Variants in COL26A1 observed in about 807,000 individuals in gnomAD.
COL26A1 encodes the protein collagen alpha-1(XXVI) chain.
Under a neutral mutation model 59.3 loss-of-function variants are expected in COL26A1, and 41 were observed. The ratio of observed to expected loss-of-function variants is 0.69; its 90% CI spans 0.54 to 0.90. COL26A1 has a LOEUF of 0.90. Among genes scored for constraint, COL26A1 ranks in the 40% least tolerant of loss-of-function variants. The probability of loss-of-function intolerance (pLI) is 0.00; values close to 1 mark genes in which losing one functional copy is unlikely to be tolerated. For synonymous variants in COL26A1, 266 were observed against 256.0 expected, an observed-to-expected ratio of 1.04 and a Z score of -0.37; for missense variants, 612 against 602.3, an observed-to-expected ratio of 1.02 and a Z score of -0.17.
At chr7:101,377,575 C>T (rs952455035) in intron 1 of COL26A1, among the ~76,000 whole-genome samples, 1 of 152,106 alleles carries the variant, frequency 6.6e-6, no homozygotes, top group Non-Finnish European at 1.5e-5. Context: ...TATAGGCATG[C>T]ACTACCATGC....
intron 1 of COL26A1, among the ~76,000 whole-genome samples, chr7:101,406,996 C>T (rs1384211758): frequency 2.0e-5 from 3 of 152,152 alleles, no homozygotes; most frequent in Non-Finnish European, 2.9e-5. Flanking sequence ...CACGTTTTCA[C>T]CTCCTCTTTT....
At chr7:101,520,663 C>CACACACACACACACACACA (rs57784373) in intron 3 of COL26A1, among the ~76,000 whole-genome samples, 13 of 139,114 alleles carry the variant, frequency 9.3e-5, no homozygotes, top group Admixed American at 1.4e-4. Flanking sequence ...CACACACACA[C>CACACACACACACACACACA]CCCCGTGTTC....
At chr7:101,464,320 G>T (rs370079101) in intron 3 of COL26A1, among the ~76,000 whole-genome samples, 1 of 151,876 alleles carries the variant, frequency 6.6e-6, no homozygotes, top group Admixed American at 6.6e-5. Context: ...GGCTGGTCTC[G>T]AACTCCTGAC....
At chr7:101,456,813 G>A (rs1793484601) in intron 3 of COL26A1, among the ~76,000 whole-genome samples, 1 of 152,106 alleles carries the variant, frequency 6.6e-6, no homozygotes, top group Non-Finnish European at 1.5e-5. Flanking sequence ...ACTGTGCCAG[G>A]CCCACAGATG....
chr7:101,450,973 CAAAT>C (rs1307381195), intron 3 of COL26A1, among the ~76,000 whole-genome samples: 1 of 142,306 alleles, frequency 7.0e-6, no homozygotes, highest in African/African-American at 2.6e-5. Flanking sequence ...TAAATATTAT[CAAAT>C]AAATATTCAT....
At chr7:101,376,110 T>C (rs1791311412) in intron 1 of COL26A1, among the ~76,000 whole-genome samples, 1 of 147,274 alleles carries the variant, frequency 6.8e-6, no homozygotes, top group African/African-American at 2.5e-5. Flanking sequence ...AGCCCAGCCT[T>C]GGCAATATAG....
At chr7:101,403,508 G>A (rs1471607584) in intron 1 of COL26A1, among the ~76,000 whole-genome samples, 2 of 151,464 alleles carry the variant, frequency 1.3e-5, no homozygotes, top group African/African-American at 4.8e-5. Context: ...GACAGAGTGA[G>A]ACTCTGCTTC....
intron 3 of COL26A1, among the ~76,000 whole-genome samples, chr7:101,508,285 G>A (rs1026535416): frequency 1.3e-5 from 2 of 152,178 alleles, no homozygotes; most frequent in Non-Finnish European, 2.9e-5. Flanking sequence ...AGTTTTGGAA[G>A]CCTAGGAGGG....
At position 101,551,140 on chromosome 7, in the gene COL26A1, G is replaced by A. The variant is rs773152560; in HGVS notation, c.1026G>A (p.Pro342=). ...GLAGERGTVG[P]SGEPGVKGEE... is the part of the protein sequence containing the mutation. ...CTGGAGAGCGAGGCACAGTGGGGCC[G>A]TCCGTAAGTGTGGGCTGTGCAGATG... The change falls in exon 10 of 13, where the codon CCG becomes CCA. Residue 342 remains proline, a synonymous_variant. Coordinates refer to ENST00000313669, the MANE Select transcript of COL26A1 (RefSeq NM_001278563.3). 3.4e-5 allele frequency: 52 copies of A among 1,550,892 alleles called. No individual in the cohort carries two copies. Among genetic ancestry groups the A allele is most frequent in the Non-Finnish European group, 4.2e-5 (48 of 1,146,320 alleles).
chr7:101,363,138 G>C lies in COL26A1; in HGVS notation c.106G>C (p.Gly36Arg), dbSNP rs749947111. 2.3e-5 allele frequency: 35 copies of C among 1,520,956 alleles called. No individual in the cohort carries two copies. The highest frequency in any genetic ancestry group is 2.0e-5 in the Admixed American group (1 of 50,468). 94.2% of individuals were successfully genotyped at this position (1,520,956 alleles called of 1,614,324 possible). A position where few individuals can be genotyped will look rare whatever the true frequency, so the allele number is the denominator to read the frequency against. Residue 36 changes from glycine (G) to arginine (R), a missense_variant, in exon 1 of 13, where the codon GGC becomes CGC. Gly to Arg is a moderately radical substitution (Grantham distance 125). Coordinates refer to ENST00000313669, the MANE Select transcript of COL26A1 (RefSeq NM_001278563.3). ...CTCGGCCGCAGCTCTGCAGCAGCAC[G>C]GCTACCCCGAGCCCGGCGCCGGCTC... ...PFSAAALQQHGYPEPGAGSPG... is the reference protein window; with the variant it reads ...PFSAAALQQHRYPEPGAGSPG...
chr7:101,372,365 C>T (rs992613105), intron 1 of COL26A1, among the ~76,000 whole-genome samples: 1 of 152,046 alleles, frequency 6.6e-6, no homozygotes, highest in Non-Finnish European at 1.5e-5. Flanking sequence ...GGGGTTTCTC[C>T]ACGTTGGCCA....
intron 5 of COL26A1, among the ~76,000 whole-genome samples, chr7:101,540,627 T>G (rs1253366321): frequency 6.7e-6 from 1 of 150,304 alleles, no homozygotes; most frequent in Non-Finnish European, 1.5e-5. Flanking sequence ...TCAAGGCAGG[T>G]GGATCATTTG....
Position 101,363,206 on chromosome 7 carries a change from CCGA to C in COL26A1, c.158+17_158+19del. On this transcript the variant is annotated intron_variant, in intron 1 of 12. Coordinates refer to ENST00000313669, the MANE Select transcript of COL26A1 (RefSeq NM_001278563.3). ...CGAGCCGCCGGTGAGTAGCTCGGGGCCGAGGGGCCGGGGGGTGGGGGGAGGGAG... is the reference window on the plus strand; with the variant it reads ...CGAGCCGCCGGTGAGTAGCTCGGGGCGGGGCCGGGGGGTGGGGGGAGGGAG... The C allele has an allele frequency of 5.9e-6, 5 of 848,732 alleles. No homozygotes were observed. The highest frequency in any genetic ancestry group is 2.5e-5 in the South Asian group (1 of 39,806). The allele number at this position is 848,732 out of a possible 1,614,324, so 52.6% of individuals were successfully genotyped here.
intron 1 of COL26A1, among the ~76,000 whole-genome samples, chr7:101,387,197 C>T (rs1053211986): frequency 3.3e-5 from 5 of 151,910 alleles, no homozygotes; most frequent in Non-Finnish European, 5.9e-5. Context: ...CCGCTGGACC[C>T]GAAACCGGCA....
intron 3 of COL26A1, among the ~76,000 whole-genome samples, chr7:101,458,044 C>A (rs1793520384): frequency 6.6e-6 from 1 of 151,832 alleles, no homozygotes. Context: ...CTACAGGCAC[C>A]CACCAGCACA....
At chr7:101,514,331 C>T (rs1794985350) in intron 3 of COL26A1, among the ~76,000 whole-genome samples, 1 of 151,730 alleles carries the variant, frequency 6.6e-6, no homozygotes, top group Admixed American at 6.6e-5. Context: ...GAGTGAGACC[C>T]TGTCTCAAAA....
chr7:101,521,432 A>G (rs973927865), intron 3 of COL26A1, among the ~76,000 whole-genome samples: 2 of 152,180 alleles, frequency 1.3e-5, no homozygotes, highest in African/African-American at 4.8e-5. Flanking sequence ...TACAGGGTGC[A>G]TGGCAATTGG....
At chr7:101,538,424 G>A (rs924852015) in intron 4 of COL26A1, among the ~76,000 whole-genome samples, 11 of 152,232 alleles carry the variant, frequency 7.2e-5, no homozygotes, top group African/African-American at 2.4e-4. Context: ...CGGCCTCACC[G>A]CCCATTTGCT....
chr7:101,557,307 C>G (rs1796001357), intron 12 of COL26A1, 63 bp from the exon 13 acceptor site: 3 of 1,519,234 alleles, frequency 2.0e-6, no homozygotes, highest in Non-Finnish European at 2.7e-6. Flanking sequence ...ATATCATGAT[C>G]AAATGTACCC....
Sources: gnomAD v4.1 joint callset for allele counts (sites outside exome capture counted in the v4.1 genomes callset) on GRCh38, gnomAD v4.1.1 for gene constraint, MANE v1.5 for transcripts, NCBI Gene and HGNC (gene_info 2026-07-23, HGNC 2026-07-21) for gene names.